The following SERPINB1 variants were observed in gnomAD, a reference collection of about 807,000 sequenced individuals.
SERPINB1 encodes the protein serpin family B member 1.
Under a neutral mutation model 25.9 loss-of-function variants are expected in SERPINB1, and 23 were observed. The ratio of observed to expected loss-of-function variants is 0.89; its 90% CI spans 0.64 to 1.26. The LOEUF (loss-of-function observed/expected upper bound fraction) is 1.26, where lower values mean the gene tolerates loss of function less well. SERPINB1 is among the 50% of genes most tolerant of loss of function. The pLI is 0.00. For synonymous variants in SERPINB1, 178 were observed against 178.7 expected, an observed-to-expected ratio of 1.00 and a Z score of 0.03; for missense variants, 399 against 463.6, an observed-to-expected ratio of 0.86 and a Z score of 1.28.
At chr6:2,834,089 A>G in intron 6 of SERPINB1, 77 bp from the exon 7 acceptor site, 1 of 1,299,698 alleles carries the variant, frequency 7.7e-7, no homozygotes, top group Non-Finnish European at 1.0e-6. Context: ...TATTGAATCA[A>G]TGGACCCATA....
In SERPINB1 at chr6:2,837,828, G is replaced by T; in HGVS notation, c.424+54C>A. 1.5e-6 allele frequency: 2 copies of T among 1,327,338 alleles called. No individual in the cohort carries two copies. The highest frequency in any genetic ancestry group is 2.2e-6 in the Non-Finnish European group (2 of 920,410). The allele number at this position is 1,327,338 out of a possible 1,614,324, so 82.2% of individuals were successfully genotyped here. A position where few individuals can be genotyped will look rare whatever the true frequency, so the allele number is the denominator to read the frequency against. On this transcript the variant is annotated intron_variant, in intron 4 of 6. Coordinates refer to ENST00000380739, the MANE Select transcript of SERPINB1 (RefSeq NM_030666.4). The surrounding 1 kb of genome is among the most constrained non-coding windows in gnomAD (Gnocchi z 4.3). Reference sequence around the variant, plus strand: ...ACTGCAGGTAGGGAAGGCGGACTGAGGAAACGAATGACATGACCAGCGCAT... The same window carrying T: ...ACTGCAGGTAGGGAAGGCGGACTGATGAAACGAATGACATGACCAGCGCAT...
chr6:2,835,769 C>A, intron 6 of SERPINB1, 87 bp downstream of exon 6: 1 of 1,394,930 alleles, frequency 7.2e-7, no homozygotes, highest in South Asian at 1.4e-5. Context: ...GAAAATGCAC[C>A]ATCAGTGAAC....
intron 6 of SERPINB1, among the ~76,000 whole-genome samples, chr6:2,835,158 C>T (rs910325650): frequency 7.2e-5 from 11 of 152,110 alleles, no homozygotes; most frequent in East Asian, 1.9e-4. Flanking sequence ...AGGGAGGAGA[C>T]GGAGAGCACA....
intron 6 of SERPINB1, 30 bp downstream of exon 6, chr6:2,835,826 A>G: frequency 6.3e-7 from 1 of 1,590,818 alleles, no homozygotes; most frequent in African/African-American, 1.4e-5. Context: ...TGCAAGAGGA[A>G]CCACAAAGCA....
rs1377704620 is a variant in SERPINB1, at chr6:2,836,342, A to G, written c.425-92T>C. On this transcript the variant is annotated intron_variant, in intron 4 of 6. Transcript: ENST00000380739. ...ATTAGCACGGAAATGCAATTCAAATATATAATTTCTACTTAATTTTCATTT... is the reference window on the plus strand; with the variant it reads ...ATTAGCACGGAAATGCAATTCAAATGTATAATTTCTACTTAATTTTCATTT... 14 of 1,279,760 alleles carry G rather than the reference A, an allele frequency of 1.1e-5. No homozygotes were observed. The East Asian group carries it at 3.2e-4, about 29-fold the overall frequency. 79.3% of individuals were successfully genotyped at this position (1,279,760 alleles called of 1,614,324 possible). A position where few individuals can be genotyped will look rare whatever the true frequency, so the allele number is the denominator to read the frequency against.
rs1267072568 is a variant in SERPINB1 at position 2,837,366 on chromosome 6, C to A, written c.424+516G>T. Among the ~76,000 whole-genome samples the A allele has an allele frequency of 6.6e-6, 1 of 151,976 alleles. No individual in the cohort carries two copies. Among genetic ancestry groups the A allele is most frequent in the East Asian group, 1.9e-4 (1 of 5,192 alleles). On this transcript the variant is annotated intron_variant, in intron 4 of 6. Transcript: ENST00000380739. The surrounding 1 kb of genome is among the most constrained non-coding windows in gnomAD (Gnocchi z 4.3). ...TGATCTCGGCTCACTGTAACCTTTACCTCCTGTGTTCGAGAGATTCTCCTG... is the reference window on the plus strand; with the variant it reads ...TGATCTCGGCTCACTGTAACCTTTAACTCCTGTGTTCGAGAGATTCTCCTG...
At position 2,833,836 on chromosome 6, in the gene SERPINB1, C is replaced by A. The variant is rs997622491; in HGVS notation, c.912G>T (p.Leu304=). ...TATCTCTGGCTCCTGACATGCCAGA[C>A]AGATCAGCCTTGCTACTGTTAAAGA... ...QDLFNSSKAD[L]SGMSGARDIF... is the part of the protein sequence containing the mutation. The change falls in exon 7 of 7, where the codon CTG becomes CTT. Residue 304 remains leucine, a synonymous_variant. Transcript: ENST00000380739. 6 of 1,614,054 alleles carry A rather than the reference C, an allele frequency of 3.7e-6. No homozygotes were observed. Among genetic ancestry groups the A allele is most frequent in the Admixed American group, 3.3e-5 (2 of 59,996 alleles).
Position 2,833,720 on chromosome 6 carries a change from A to C in SERPINB1, c.1028T>G (p.Phe343Cys). The C allele has an allele frequency of 6.2e-7, 1 of 1,614,236 alleles. No homozygotes were observed. The highest frequency in any genetic ancestry group is 8.5e-7 in the Non-Finnish European group (1 of 1,180,040). Residue 343 changes from phenylalanine (F) to cysteine (C), a missense_variant, in exon 7 of 7, where the codon TTC (phenylalanine) becomes TGC (cysteine). Physicochemically the swap from Phe to Cys is radical, Grantham distance 205. Transcript: ENST00000380739. Reference protein sequence around the residue: ...AAAATAGIATFCMLMPEENFT... With the variant: ...AAAATAGIATCCMLMPEENFT... ...ATTTTCTTCGGGCATCAACATGCAG[A>C]AAGTTGCGATGCCTGCTGTGGCAGC...
At chr6:2,839,161 T>A (rs1461902007) in intron 2 of SERPINB1, among the ~76,000 whole-genome samples, 3 of 152,140 alleles carry the variant, frequency 2.0e-5, no homozygotes, top group African/African-American at 7.2e-5. Flanking sequence ...CATCAGTAAC[T>A]CACTTATTTT....
In SERPINB1 at chr6:2,832,801, T is replaced by A. The variant is rs1766370284; in HGVS notation, c.*807A>T. The A allele has an allele frequency of 7.1e-6, 1 of 139,888 alleles. No individual in the cohort carries two copies. The highest frequency in any genetic ancestry group is 2.8e-5 in the African/African-American group (1 of 35,300). 8.7% of individuals were successfully genotyped at this position (139,888 alleles called of 1,614,324 possible). ...CAGCCTGGGTAACAGAGCAAGACTC[T>A]GTCTCAAAAAAAAAAAAAAGAAAGA... On this transcript the variant is annotated 3_prime_UTR_variant, in exon 7 of 7. Transcript: ENST00000380739.
In SERPINB1 at chr6:2,837,966, C is replaced by T. The variant is rs760596640; in HGVS notation, c.340G>A (p.Ala114Thr). ...FLVSTQKTYG[A>T]DLASVDFQHA... ...TGAAAATCCACACTGGCCAGGTCAGCACCATATGTTTTCTGAGTCGAAACC... is the reference window on the plus strand; with the variant it reads ...TGAAAATCCACACTGGCCAGGTCAGTACCATATGTTTTCTGAGTCGAAACC... Residue 114 changes from alanine to threonine, a missense_variant, in exon 4 of 7, where the codon GCT (alanine) becomes ACT (threonine). By Grantham distance (58) the Ala-to-Thr change is moderately conservative. Coordinates refer to ENST00000380739, the MANE Select transcript of SERPINB1 (RefSeq NM_030666.4). This position sits in a 1 kb window ranked among gnomAD's most constrained non-coding sequence, Gnocchi z 4.3. 12 of 1,613,700 alleles carry T rather than the reference C, an allele frequency of 7.4e-6. No homozygotes were observed. In the Admixed American group the frequency reaches 1.7e-4, roughly 22 times the overall value.
In SERPINB1 at chr6:2,841,411, C is replaced by A; in HGVS notation, c.-9+401G>T. On this transcript the variant is annotated intron_variant, in intron 1 of 6. Transcript: ENST00000380739. This position sits in a 1 kb window ranked among gnomAD's most constrained non-coding sequence, Gnocchi z 4.5. Reference sequence around the variant, plus strand: ...ATCGCACGGGGTTCCTCCTCTCTCTCCCTGCAGCTGCAGATAGGAGCCGCG... The same window carrying A: ...ATCGCACGGGGTTCCTCCTCTCTCTACCTGCAGCTGCAGATAGGAGCCGCG... 1 of 152,796 alleles carries A rather than the reference C, an allele frequency of 6.5e-6. No homozygotes were observed. Among genetic ancestry groups the A allele is most frequent in the Non-Finnish European group, 1.5e-5 (1 of 68,378 alleles). 9.5% of individuals were successfully genotyped at this position (152,796 alleles called of 1,614,324 possible). A position where few individuals can be genotyped will look rare whatever the true frequency, so the allele number is the denominator to read the frequency against.
In SERPINB1 at chr6:2,836,325, G is replaced by A. The variant is rs527871615; in HGVS notation, c.425-75C>T. The A allele has an allele frequency of 2.7e-5, 37 of 1,391,544 alleles. No homozygotes were observed. The Admixed American group carries it at 3.7e-4, about 14-fold the overall frequency. 86.2% of individuals were successfully genotyped at this position (1,391,544 alleles called of 1,614,324 possible). A position where few individuals can be genotyped will look rare whatever the true frequency, so the allele number is the denominator to read the frequency against. ...ATTTGAACTGACAATATATTAGCAC[G>A]GAAATGCAATTCAAATATATAATTT... On this transcript the variant is annotated intron_variant, in intron 4 of 6. Coordinates refer to ENST00000380739, the MANE Select transcript of SERPINB1 (RefSeq NM_030666.4).
At position 2,833,085 on chromosome 6, in the gene SERPINB1, T is replaced by C. The variant is rs1396943973; in HGVS notation, c.*523A>G. ...TAAAAACTAGAGGTCTGTAACAGAA[T>C]ACTAATCCTGCAGAACAAGGGACAG... On this transcript the variant is annotated 3_prime_UTR_variant, in exon 7 of 7. Coordinates refer to ENST00000380739, the MANE Select transcript of SERPINB1 (RefSeq NM_030666.4). 1 of 152,668 alleles carries C rather than the reference T, an allele frequency of 6.6e-6. No homozygotes were observed. The highest frequency in any genetic ancestry group is 1.5e-5 in the Non-Finnish European group (1 of 68,426). 9.5% of individuals were successfully genotyped at this position (152,668 alleles called of 1,614,324 possible).
At chr6:2,835,738 CA>C in intron 6 of SERPINB1, 117 bp downstream of exon 6, 1 of 1,180,620 alleles carries the variant, frequency 8.5e-7, no homozygotes, top group South Asian at 1.6e-5. Flanking sequence ...GCTACATTTA[CA>C]AAGGAATGAC....
At chr6:2,840,312 G>A (rs1561938374) in intron 2 of SERPINB1, 107 bp downstream of exon 2, 3 of 1,339,988 alleles carry the variant, frequency 2.2e-6, no homozygotes, top group Non-Finnish European at 3.1e-6. Context: ...TAAAAATACA[G>A]TTCTGAAAAC....
In SERPINB1 at chr6:2,833,754, C is replaced by T; in HGVS notation, c.994G>A (p.Glu332Lys). The T allele has an allele frequency of 1.9e-6, 3 of 1,614,172 alleles. No individual in the cohort carries two copies. Among genetic ancestry groups the T allele is most frequent in the Non-Finnish European group, 1.7e-6 (2 of 1,180,030 alleles). The change falls in exon 7 of 7, where the codon GAG (glutamate) becomes AAG (lysine). Residue 332 changes from glutamate (E) to lysine (K), a missense_variant. Transcript: ENST00000380739. The part of the protein sequence containing the change: ...SFVEVNEEGT[E>K]AAAATAGIAT... ...ATGCCTGCTGTGGCAGCTGCCGCCT[C>T]TGTTCCCTCTTCATTCACTTCCACA...
Position 2,840,453 on chromosome 6 carries a change from C to T in SERPINB1, c.134G>A (p.Gly45Glu). The T allele has an allele frequency of 6.2e-7, 1 of 1,613,990 alleles. No homozygotes were observed. The highest frequency in any genetic ancestry group is 1.1e-5 in the South Asian group (1 of 91,060). Residue 45 changes from glycine (G) to glutamate (E), a missense_variant, in exon 2 of 7, where the codon GGG (glycine) becomes GAG (glutamate). Transcript: ENST00000380739. The part of the protein sequence containing the change: ...ISSAMAMVFL[G>E]TRGNTAAQLS... The stretch of plus-strand genomic sequence containing the variant: ...CTGTGCTGCCGTGTTACCTCTGGTC[C>T]CCAGAAAAACCATGGCCATAGCAGA...
chr6:2,835,574 C>T (rs1766464168), intron 6 of SERPINB1, among the ~76,000 whole-genome samples: 1 of 152,148 alleles, frequency 6.6e-6, no homozygotes, highest in African/African-American at 2.4e-5. Flanking sequence ...CAGTGGCTCA[C>T]AGCTATAGTC....
Sources: gnomAD v4.1 joint callset for allele counts (sites outside exome capture counted in the v4.1 genomes callset) on GRCh38, gnomAD v4.1.1 for gene constraint, Gnocchi (gnomAD v3.1) non-coding constraint, MANE v1.5 for transcripts, NCBI Gene and HGNC (gene_info 2026-07-23, HGNC 2026-07-21) for gene names.